The following ESRRG variants were observed in gnomAD, a reference collection of about 807,000 sequenced individuals.
ESRRG encodes estrogen related receptor gamma, also known as estrogen-related receptor gamma.
A neutral mutation model predicts 44.0 loss-of-function variants in ESRRG; 13 were observed. The observed-to-expected ratio is 0.30, with a 90% CI of 0.19 to 0.47. The LOEUF (loss-of-function observed/expected upper bound fraction) is 0.47. ESRRG is among the 20% of genes least tolerant of loss of function. The pLI is 1.00. For synonymous variants in ESRRG, 215 were observed against 214.6 expected, an observed-to-expected ratio of 1.00 and a Z score of -0.02; for missense variants, 395 against 580.6, an observed-to-expected ratio of 0.68 and a Z score of 3.29.
intron 6 of ESRRG, among the ~76,000 whole-genome samples, chr1:216,516,666 C>CAGAGAGAG (rs777077033): frequency 1.5e-4 from 19 of 128,450 alleles, no homozygotes; most frequent in African/African-American, 7.2e-4. Flanking sequence ...CACACACACA[C>CAGAGAGAG]ACAGAGAGAG....
At chr1:216,953,466 T>C (rs2067332582) in intron 1 of ESRRG, among the ~76,000 whole-genome samples, 1 of 152,122 alleles carries the variant, frequency 6.6e-6, no homozygotes, top group South Asian at 2.1e-4. Context: ...TTCATTTTCC[T>C]AAGCATACTA....
intron 3 of ESRRG, among the ~76,000 whole-genome samples, chr1:216,640,434 C>A (rs1470922563): frequency 6.6e-6 from 1 of 151,738 alleles, no homozygotes; most frequent in Non-Finnish European, 1.5e-5. Context: ...TGTTCCTTTG[C>A]AGACAGCTTG....
At chr1:216,771,220 A>G (rs1293384757) in intron 2 of ESRRG, among the ~76,000 whole-genome samples, 1 of 152,186 alleles carries the variant, frequency 6.6e-6, no homozygotes, top group African/African-American at 2.4e-5. Context: ...TTTTAAAATA[A>G]ATAACAGAAG....
chr1:216,918,520 C>A (rs2061457468), intron 2 of ESRRG, among the ~76,000 whole-genome samples: 1 of 152,110 alleles, frequency 6.6e-6, no homozygotes, highest in Non-Finnish European at 1.5e-5. Context: ...TATATACATG[C>A]TCAGCTTATT....
chr1:216,931,928 A>T (rs189215092), intron 2 of ESRRG, among the ~76,000 whole-genome samples: 15 of 152,188 alleles, frequency 9.9e-5, no homozygotes, highest in African/African-American at 3.1e-4. Context: ...AAATAAGGCC[A>T]GGTGCGGTGG....
At position 216,610,209 on chromosome 1, in the gene ESRRG, CT is replaced by C. The variant is rs77574879; in HGVS notation, c.589+40763del. 3.4e-3 allele frequency among the ~76,000 whole-genome samples: 472 copies of C among 140,148 alleles called. 1 individual carries two copies. The highest frequency in any genetic ancestry group is 7.2e-3 in the Middle Eastern group (2 of 278). The allele number at this position is 140,148 out of a possible 152,430, so 91.9% of individuals were successfully genotyped here. A position where few individuals can be genotyped will look rare whatever the true frequency, so the allele number is the denominator to read the frequency against. On this transcript the variant is annotated intron_variant, in intron 3 of 6. Transcript: ENST00000408911. ...GTGGATAATTGTACAAAATTCAGTG[CT>C]TTTTTTTTTTTTTTGCTCCAGTTCC...
At chr1:216,923,951 A>G (rs2062173467) in intron 2 of ESRRG, among the ~76,000 whole-genome samples, 1 of 152,212 alleles carries the variant, frequency 6.6e-6, no homozygotes, top group African/African-American at 2.4e-5. Context: ...TCAAGGAGCA[A>G]AGAAGGTAGA....
chr1:216,918,873 G>GTA lies in ESRRG; in HGVS notation c.-14+20707_-14+20708dup, dbSNP rs200959794. 7.6e-3 allele frequency among the ~76,000 whole-genome samples: 1,127 copies of GTA among 147,932 alleles called. 10 individuals are homozygous for GTA. Among genetic ancestry groups the GTA allele is most frequent in the African/African-American group, 0.023 (937 of 40,742 alleles). ...AATAATATATATATTATAGATATGT[G>GTA]TATATATATATAATCAGATAAACTC... On this transcript the variant is annotated intron_variant, in intron 2 of 7. Coordinates refer to the ESRRG transcript ENST00000359162.
rs10712887 is a variant in ESRRG, at chr1:216,843,869, C to CT, written c.-14+95712dup. Among the ~76,000 whole-genome samples, 537 of 143,986 alleles carry CT rather than the reference C, an allele frequency of 3.7e-3. 3 individuals are homozygous for CT. The highest frequency in any genetic ancestry group is 0.011 in the Middle Eastern group (3 of 276). The allele number at this position is 143,986 out of a possible 152,430, so 94.5% of individuals were successfully genotyped here. On this transcript the variant is annotated intron_variant, in intron 2 of 7. Transcript: ENST00000359162. The stretch of plus-strand genomic sequence containing the variant: ...TATTTCACTTTCTCATTCTTTCTTC[C>CT]TTTTTTTTTTTTTGTTTCCTTGGAA...
chr1:216,665,942 CT>C (rs2073823348), intron 2 of ESRRG, among the ~76,000 whole-genome samples: 1 of 152,092 alleles, frequency 6.6e-6, no homozygotes, highest in African/African-American at 2.4e-5. Context: ...TGTTTTATAA[CT>C]TCTAAGAAAT....
chr1:216,726,075 C>T (rs367658111), upstream of ESRRG, among the ~76,000 whole-genome samples: 5 of 152,126 alleles, frequency 3.3e-5, no homozygotes, highest in Non-Finnish European at 7.4e-5. Flanking sequence ...TAGACTCATG[C>T]GTAAGTCATT....
intron 3 of ESRRG, among the ~76,000 whole-genome samples, chr1:216,610,860 G>C (rs1008304603): frequency 6.6e-6 from 1 of 152,070 alleles, no homozygotes; most frequent in African/African-American, 2.4e-5. Flanking sequence ...TTAAGTAAGT[G>C]CCCAGGTTTA....
At chr1:217,016,958 A>G (rs1054594046) in intron 1 of ESRRG, among the ~76,000 whole-genome samples, 8 of 152,210 alleles carry the variant, frequency 5.3e-5, no homozygotes, top group Non-Finnish European at 8.8e-5. Flanking sequence ...TCTTTTACTA[A>G]GAGACATAAC....
At chr1:216,950,583 A>G (rs2066789774) in intron 1 of ESRRG, among the ~76,000 whole-genome samples, 1 of 152,208 alleles carries the variant, frequency 6.6e-6, no homozygotes, top group African/African-American at 2.4e-5. Flanking sequence ...AACTTGTTAA[A>G]TGAATTAATA....
chr1:216,774,021 A>C (rs948093181), intron 2 of ESRRG, among the ~76,000 whole-genome samples: 2 of 152,120 alleles, frequency 1.3e-5, no homozygotes, highest in South Asian at 2.1e-4. Flanking sequence ...TCTTCATAAC[A>C]GTTCTATATA....
At chr1:217,057,003 T>A (rs1457358251) in intron 1 of ESRRG, among the ~76,000 whole-genome samples, 1 of 151,964 alleles carries the variant, frequency 6.6e-6, no homozygotes, top group Non-Finnish European at 1.5e-5. Context: ...ACCATCTGAG[T>A]ACAAGGGGCA....
At chr1:217,076,007 G>A (rs1272074650) in intron 1 of ESRRG, among the ~76,000 whole-genome samples, 1 of 152,136 alleles carries the variant, frequency 6.6e-6, no homozygotes, top group African/African-American at 2.4e-5. Context: ...TATGTACAAT[G>A]ATGCATCTAT....
chr1:217,127,912 C>A (rs1462196373), intron 1 of ESRRG, among the ~76,000 whole-genome samples: 1 of 152,058 alleles, frequency 6.6e-6, no homozygotes, highest in Non-Finnish European at 1.5e-5. Flanking sequence ...TATGTTATTC[C>A]TTTTTGTCCC....
intron 1 of ESRRG, among the ~76,000 whole-genome samples, chr1:217,133,645 C>CTCTCTCTTTCTT (rs1266397788): frequency 5.1e-4 from 47 of 91,806 alleles, no homozygotes; most frequent in South Asian, 1.7e-3. Flanking sequence ...CTCTCTCTCT[C>CTCTCTCTTTCTT]TCTTTCTTTC....
Sources: gnomAD v4.1 joint callset for allele counts (sites outside exome capture counted in the v4.1 genomes callset) on GRCh38, gnomAD v4.1.1 for gene constraint, MANE v1.5 for transcripts, NCBI Gene and HGNC (gene_info 2026-07-23, HGNC 2026-07-21) for gene names.